ARHGAP24: variants seen among roughly 807,000 people sequenced by gnomAD.
ARHGAP24 encodes rho GTPase-activating protein 24.
A neutral mutation model predicts 76.4 loss-of-function variants in ARHGAP24; 50 were observed. That is an observed-to-expected ratio of 0.65 (90% CI 0.52 to 0.83). ARHGAP24 has a LOEUF of 0.83. ARHGAP24 is among the 40% of genes least tolerant of loss of function. The pLI is 0.00. For missense variants in ARHGAP24, 930 were observed against 914.2 expected, an observed-to-expected ratio of 1.02 and a Z score of -0.22; for synonymous variants, 345 against 323.3, an observed-to-expected ratio of 1.07 and a Z score of -0.72.
At chr4:85,764,344 G>T (rs148380921) in intron 3 of ARHGAP24, among the ~76,000 whole-genome samples, 1 of 152,008 alleles carries the variant, frequency 6.6e-6, no homozygotes, top group African/African-American at 2.4e-5. Flanking sequence ...TCATCAATGC[G>T]TTAAAAGGAA....
chr4:85,638,744 C>T (rs574929369), intron 2 of ARHGAP24, among the ~76,000 whole-genome samples: 6 of 152,198 alleles, frequency 3.9e-5, no homozygotes, highest in South Asian at 4.1e-4. Flanking sequence ...TGGGTAGATA[C>T]GGGATATCCT....
chr4:85,682,222 A>G (rs985447868), intron 2 of ARHGAP24, among the ~76,000 whole-genome samples: 8 of 152,236 alleles, frequency 5.3e-5, no homozygotes, highest in African/African-American at 1.4e-4. Flanking sequence ...TAAAGAAACC[A>G]TAATAAGCCA....
chr4:85,782,671 A>C (rs1398143769), intron 3 of ARHGAP24, among the ~76,000 whole-genome samples: 1 of 152,188 alleles, frequency 6.6e-6, no homozygotes, highest in Non-Finnish European at 1.5e-5. Context: ...GAAAGAGATA[A>C]ATGCTTTGTT....
At chr4:85,616,062 C>G (rs915464251) in intron 2 of ARHGAP24, among the ~76,000 whole-genome samples, 7 of 152,170 alleles carry the variant, frequency 4.6e-5, no homozygotes, top group Non-Finnish European at 1.0e-4. Context: ...AGATCAGACA[C>G]TGGAGAACTT....
At chr4:85,751,466 A>G (rs2110066960) in intron 3 of ARHGAP24, among the ~76,000 whole-genome samples, 1 of 152,330 alleles carries the variant, frequency 6.6e-6, no homozygotes, top group Middle Eastern at 3.4e-3. Context: ...TCTGGGGTTT[A>G]TAGGCCAAAA....
In ARHGAP24 at chr4:85,895,045, G is replaced by A. The variant is rs541556086; in HGVS notation, c.269-28603G>A. Among the ~76,000 whole-genome samples the A allele has an allele frequency of 2.8e-5, 4 of 140,882 alleles. No homozygotes were observed. The South Asian group carries it at 9.7e-4, about 34-fold the overall frequency. The allele number at this position is 140,882 out of a possible 152,430, so 92.4% of individuals were successfully genotyped here. A position where few individuals can be genotyped will look rare whatever the true frequency, so the allele number is the denominator to read the frequency against. The stretch of plus-strand genomic sequence containing the variant: ...AAGAAAAGAAAAGCAGGATTTTGGG[G>A]ACTCACGAGGGAAGATCGGGACGGA... On this transcript the variant is annotated intron_variant, in intron 3 of 9. Coordinates refer to ENST00000395184, the MANE Select transcript of ARHGAP24 (RefSeq NM_001025616.3).
intron 3 of ARHGAP24, among the ~76,000 whole-genome samples, chr4:85,842,879 G>A (rs1730684943): frequency 6.6e-6 from 1 of 152,094 alleles, no homozygotes; most frequent in Admixed American, 6.5e-5. Context: ...TTGATGGTGG[G>A]GTGGTATCAG....
At chr4:85,692,440 T>C (rs1192491056) in intron 2 of ARHGAP24, among the ~76,000 whole-genome samples, 3 of 152,230 alleles carry the variant, frequency 2.0e-5, no homozygotes. Context: ...TTATTCTCTG[T>C]CCTTCTGTCT....
intron 5 of ARHGAP24, among the ~76,000 whole-genome samples, chr4:85,947,101 C>T (rs1737320763): frequency 6.6e-6 from 1 of 152,036 alleles, no homozygotes; most frequent in Non-Finnish European, 1.5e-5. Context: ...AGCATTTTTT[C>T]ATATGTTTGT....
intron 3 of ARHGAP24, among the ~76,000 whole-genome samples, chr4:85,774,489 G>A (rs1001579349): frequency 1.3e-5 from 2 of 152,116 alleles, no homozygotes; most frequent in African/African-American, 4.8e-5. Flanking sequence ...GATAGAATTA[G>A]CTCTAGGCTA....
intron 2 of ARHGAP24, among the ~76,000 whole-genome samples, chr4:85,632,339 A>C (rs1223694490): frequency 6.6e-6 from 1 of 151,994 alleles, no homozygotes; most frequent in African/African-American, 2.4e-5. Context: ...CTTTTTCTCA[A>C]CTTAAGTTAT....
At chr4:85,564,430 A>G (rs962983083) in intron 1 of ARHGAP24, among the ~76,000 whole-genome samples, 51 of 133,310 alleles carry the variant, frequency 3.8e-4, no homozygotes, top group Admixed American at 5.4e-4. Context: ...ATTAGGAGAT[A>G]TACCTAATGT....
chr4:85,985,048 C>T (rs187917897), intron 8 of ARHGAP24, among the ~76,000 whole-genome samples: 1 of 152,160 alleles, frequency 6.6e-6, no homozygotes, highest in Non-Finnish European at 1.5e-5. Context: ...TCTCAAACTC[C>T]TGACCTCAGG....
At chr4:85,692,244 A>C (rs993295603) in intron 2 of ARHGAP24, among the ~76,000 whole-genome samples, 1 of 152,108 alleles carries the variant, frequency 6.6e-6, no homozygotes, top group Non-Finnish European at 1.5e-5. Context: ...ACCCTTCTCT[A>C]TATCTGCCTT....
intron 3 of ARHGAP24, among the ~76,000 whole-genome samples, chr4:85,873,775 C>G (rs1732669518): frequency 6.6e-6 from 1 of 152,170 alleles, no homozygotes; most frequent in Admixed American, 6.5e-5. Flanking sequence ...ATTCTCCACA[C>G]TGAAGCTGAT....
chr4:85,788,868 C>T (rs1306998419), intron 3 of ARHGAP24, among the ~76,000 whole-genome samples: 1 of 152,126 alleles, frequency 6.6e-6, no homozygotes, highest in Non-Finnish European at 1.5e-5. Context: ...ATATGGGCTC[C>T]ATTGAGATCA....
rs554562590 is a variant in ARHGAP24, at chr4:85,652,505, G to T, written c.181-69380G>T. 2.0e-5 allele frequency among the ~76,000 whole-genome samples: 3 copies of T among 152,244 alleles called. No homozygotes were observed. In the East Asian group the frequency reaches 5.8e-4, roughly 29 times the overall value. On this transcript the variant is annotated intron_variant, in intron 2 of 9. Transcript: ENST00000395184. ...GACTTGTGCCTAGAGTTTTGACCCA[G>T]ACAAACATTTTTAAAAGGTTAGCAA...
At chr4:85,551,945 C>A (rs2110129586) in intron 1 of ARHGAP24, among the ~76,000 whole-genome samples, 1 of 151,912 alleles carries the variant, frequency 6.6e-6, no homozygotes, top group East Asian at 1.9e-4. Flanking sequence ...TAATGGTCTA[C>A]CTTATTTATT....
At chr4:85,607,394 G>A (rs1720231637) in intron 2 of ARHGAP24, among the ~76,000 whole-genome samples, 1 of 152,022 alleles carries the variant, frequency 6.6e-6, no homozygotes, top group Non-Finnish European at 1.5e-5. Context: ...GAGGAAGGGA[G>A]AGAGAGAAAG....
Sources: gnomAD v4.1 joint callset for allele counts (sites outside exome capture counted in the v4.1 genomes callset) on GRCh38, gnomAD v4.1.1 for gene constraint, MANE v1.5 for transcripts, NCBI Gene and HGNC (gene_info 2026-07-23, HGNC 2026-07-21) for gene names.